Variants in GPC3 observed in about 807,000 individuals in gnomAD.
GPC3 encodes glypican 3, also known as glypican-3.
GPC3 carries 3 observed loss-of-function variants against 34.4 expected under a neutral mutation model. That is an observed-to-expected ratio of 0.09 (90% confidence interval 0.04 to 0.23). The LOEUF is 0.23. Among genes scored for constraint, GPC3 ranks in the 10% least tolerant of loss-of-function variants. GPC3 has a pLI of 1.00. For synonymous variants in GPC3, 177 were observed against 174.0 expected (o/e 1.02, Z -0.13); for missense variants, 351 against 445.6 (o/e 0.79, Z 1.91).
intron 2 of GPC3, among the ~76,000 whole-genome samples, chrX:133,925,470 G>T (rs1243694215): frequency 8.9e-6 from 1 of 111,832 alleles, no homozygotes; most frequent in Non-Finnish European, 1.9e-5. Flanking sequence ...GGATTTTAAG[G>T]TATCTTCTCT....
intron 2 of GPC3, among the ~76,000 whole-genome samples, chrX:133,889,770 C>T (rs1208783432): frequency 9.4e-6 from 1 of 106,473 alleles, no homozygotes; most frequent in African/African-American, 3.4e-5. Flanking sequence ...CCCCACCCCC[C>T]GACCATAATC....
In GPC3 at chrX:133,909,930, T is replaced by G. The variant is rs150985270; in HGVS notation, c.337+43120A>C. Among the ~76,000 whole-genome samples the G allele has an allele frequency of 4.2e-3, 468 of 111,498 alleles. 4 individuals carry two copies. Among genetic ancestry groups the G allele is most frequent in the African/African-American group, 0.015 (449 of 30,729 alleles). Reference sequence around the variant, plus strand: ...CTCTTGAAGGTTTGGAATCAGAAATTTTAAGACACAGACTATTCAAGAAAT... The same window carrying G: ...CTCTTGAAGGTTTGGAATCAGAAATGTTAAGACACAGACTATTCAAGAAAT... On this transcript the variant is annotated intron_variant, in intron 2 of 7. Coordinates refer to ENST00000370818, the MANE Select transcript of GPC3 (RefSeq NM_004484.4).
At chrX:133,955,322 C>T (rs933194134) in intron 1 of GPC3, among the ~76,000 whole-genome samples, 5 of 111,206 alleles carry the variant, frequency 4.5e-5, no homozygotes, top group Non-Finnish European at 9.4e-5. Flanking sequence ...CTTAAAACGG[C>T]ACTGCAGTCT....
chrX:133,659,969 T>C (rs1298351328), intron 6 of GPC3, among the ~76,000 whole-genome samples: 3 of 111,996 alleles, frequency 2.7e-5, no homozygotes. Flanking sequence ...CATCACACTA[T>C]ATCTAGCAAG....
chrX:133,563,367 G>A (rs1476987517), intron 7 of GPC3, among the ~76,000 whole-genome samples: 24 of 111,359 alleles, frequency 2.2e-4, no homozygotes, highest in Non-Finnish European at 9.4e-5. Context: ...AGGCCTTAGA[G>A]CTGTTTTGTT....
At chrX:133,726,644 C>A (rs2071410512) in intron 3 of GPC3, among the ~76,000 whole-genome samples, 1 of 111,424 alleles carries the variant, frequency 9.0e-6, no homozygotes, top group Non-Finnish European at 1.9e-5. Flanking sequence ...TACTCTTGAT[C>A]CCATGTGCTC....
intron 5 of GPC3, among the ~76,000 whole-genome samples, chrX:133,689,737 A>T (rs2071043900): frequency 8.9e-6 from 1 of 112,157 alleles, no homozygotes; most frequent in African/African-American, 3.2e-5. Context: ...CACATCAGTA[A>T]ATAAATATAT....
chrX:133,870,596 T>C (rs915528321), intron 2 of GPC3, among the ~76,000 whole-genome samples: 3 of 110,585 alleles, frequency 2.7e-5, no homozygotes, highest in Non-Finnish European at 5.6e-5. Flanking sequence ...TCTTAGCGAA[T>C]GATATTTCTC....
rs780926965 is a variant in GPC3 at position 133,634,637 on chromosome X, A to G, written c.1413+27093T>C. Among the ~76,000 whole-genome samples the G allele has an allele frequency of 3.6e-5, 4 of 112,060 alleles. No individual in the cohort carries two copies. In the East Asian group the frequency reaches 8.4e-4, roughly 24 times the overall value. The stretch of plus-strand genomic sequence containing the variant: ...TGAAATATTCAGAAAAGGCAAATCT[A>G]TAAGGACAGAAAGTAGATTAGTGGT... On this transcript the variant is annotated intron_variant, in intron 6 of 7. Coordinates refer to ENST00000370818, the MANE Select transcript of GPC3 (RefSeq NM_004484.4).
chrX:133,847,808 G>C (rs1186919689), intron 2 of GPC3, among the ~76,000 whole-genome samples: 2 of 111,963 alleles, frequency 1.8e-5, no homozygotes, highest in Non-Finnish European at 3.8e-5. Flanking sequence ...TCTGGTTCCT[G>C]TTTCTATTAA....
chrX:133,730,586 CTATTT>C (rs970892477), intron 3 of GPC3, among the ~76,000 whole-genome samples: 1 of 111,737 alleles, frequency 8.9e-6, no homozygotes, highest in Admixed American at 9.5e-5. Context: ...CATCTTCTGC[CTATTT>C]TATTTCTCTT....
intron 2 of GPC3, among the ~76,000 whole-genome samples, chrX:133,884,413 T>C (rs952895597): frequency 8.9e-6 from 1 of 111,767 alleles, no homozygotes; most frequent in African/African-American, 3.2e-5. Context: ...GATGTCTCCT[T>C]ACCCAGTCAT....
chrX:133,649,706 T>G (rs1292217538), intron 6 of GPC3, among the ~76,000 whole-genome samples: 1 of 111,819 alleles, frequency 8.9e-6, no homozygotes, highest in African/African-American at 3.2e-5. Flanking sequence ...TATAACAAAC[T>G]GCCTCTAGCT....
At chrX:133,936,285 C>A (rs1230432761) in intron 2 of GPC3, among the ~76,000 whole-genome samples, 1 of 107,780 alleles carries the variant, frequency 9.3e-6, no homozygotes, top group Non-Finnish European at 1.9e-5. Flanking sequence ...GAGTGAGCCA[C>A]CTTGCCCGGC....
chrX:133,889,076 A>AAAAAT (rs2076074513), intron 2 of GPC3, among the ~76,000 whole-genome samples: 2 of 112,049 alleles, frequency 1.8e-5, no homozygotes, highest in Admixed American at 9.5e-5. Context: ...GGAATGTAGT[A>AAAAAT]ACACTTTCTG....
At chrX:133,793,246 A>T (rs1301977678) in intron 2 of GPC3, among the ~76,000 whole-genome samples, 1 of 111,731 alleles carries the variant, frequency 9.0e-6, no homozygotes, top group Non-Finnish European at 1.9e-5. Flanking sequence ...AAATCCAAAA[A>T]TTGAACACCT....
intron 1 of GPC3, among the ~76,000 whole-genome samples, chrX:133,982,380 G>C (rs767738525): frequency 1.8e-5 from 2 of 111,425 alleles, no homozygotes; most frequent in African/African-American, 6.5e-5. Flanking sequence ...AAATAAGTGG[G>C]GTATGAAGAG....
At chrX:133,543,179 C>T (rs960391195) in intron 7 of GPC3, among the ~76,000 whole-genome samples, 4 of 110,569 alleles carry the variant, frequency 3.6e-5, no homozygotes, top group African/African-American at 6.6e-5. Flanking sequence ...AGTGCAGTGG[C>T]GTGATCTTGG....
At chrX:133,891,849 T>C (rs2076089390) in intron 2 of GPC3, among the ~76,000 whole-genome samples, 1 of 108,735 alleles carries the variant, frequency 9.2e-6, no homozygotes, top group Non-Finnish European at 1.9e-5. Flanking sequence ...TTTAAGCTTT[T>C]GAAGTAAAAA....
Sources: gnomAD v4.1 joint callset for allele counts (sites outside exome capture counted in the v4.1 genomes callset) on GRCh38, gnomAD v4.1.1 for gene constraint, MANE v1.5 for transcripts, NCBI Gene and HGNC (gene_info 2026-07-23, HGNC 2026-07-21) for gene names.